Variants in ARHGAP31 observed in about 807,000 individuals in gnomAD.
ARHGAP31 encodes the protein rho GTPase-activating protein 31.
In ARHGAP31, 34 loss-of-function variants were observed where a neutral mutation model predicts 113.9. That is an observed-to-expected ratio of 0.30 (90% CI 0.23 to 0.40). The LOEUF is 0.40. ARHGAP31 is among the 10% of genes least tolerant of loss of function. The probability of loss-of-function intolerance (pLI) is 1.00; values close to 1 mark genes in which losing one functional copy is unlikely to be tolerated. For missense variants in ARHGAP31, 1,548 were observed against 1,767.1 expected (o/e 0.88, Z 2.22); for synonymous variants, 650 against 684.8 (o/e 0.95, Z 0.79).
intron 11 of ARHGAP31, among the ~76,000 whole-genome samples, chr3:119,412,900 C>CCCA (rs2080728514): frequency 6.6e-6 from 1 of 151,926 alleles, no homozygotes; most frequent in Non-Finnish European, 1.5e-5. Flanking sequence ...GGCCTGTAAT[C>CCCA]CCAGCTACTT....
chr3:119,303,107 A>G (rs891094449), intron 1 of ARHGAP31, among the ~76,000 whole-genome samples: 1 of 152,210 alleles, frequency 6.6e-6, no homozygotes, highest in African/African-American at 2.4e-5. Context: ...CACTTTATGT[A>G]TGCAAATCGA....
chr3:119,294,446 A>C lies in ARHGAP31; in HGVS notation c.-459A>C. 2.5e-6 allele frequency: 1 copy of C among 405,652 alleles called. No individual in the cohort carries two copies. Among genetic ancestry groups the C allele is most frequent in the Non-Finnish European group, 4.3e-6 (1 of 231,522 alleles). The allele number at this position is 405,652 out of a possible 1,614,324, so 25.1% of individuals were successfully genotyped here. A position where few individuals can be genotyped will look rare whatever the true frequency, so the allele number is the denominator to read the frequency against. On this transcript the variant is annotated 5_prime_UTR_variant, in exon 1 of 12. Coordinates refer to ENST00000264245, the MANE Select transcript of ARHGAP31 (RefSeq NM_020754.4). Reference sequence around the variant, plus strand: ...TTTTCGCTCTACCAAAGTCGTCTGAAGGCGAGACAGCGGGCCCAGGGCGCA... The same window carrying C: ...TTTTCGCTCTACCAAAGTCGTCTGACGGCGAGACAGCGGGCCCAGGGCGCA...
At chr3:119,388,231 T>TTA (rs10700143) in intron 6 of ARHGAP31, among the ~76,000 whole-genome samples, 8,124 of 151,048 alleles carry the variant, frequency 0.054, 693 homozygotes, top group African/African-American at 0.18. Context: ...GTAATTTCTA[T>TTA]TTTTTTTATA....
intron 1 of ARHGAP31, chr3:119,329,814 C>A (rs1044198836): frequency 1.0e-6 from 1 of 985,442 alleles, no homozygotes; most frequent in Non-Finnish European, 1.2e-6. Flanking sequence ...GAACCATGAG[C>A]GTATTGAGAG....
At chr3:119,331,916 G>C (rs1222694096) in intron 1 of ARHGAP31, among the ~76,000 whole-genome samples, 1 of 152,030 alleles carries the variant, frequency 6.6e-6, no homozygotes, top group Non-Finnish European at 1.5e-5. Context: ...TCACTACACG[G>C]CCCATTCCCT....
intron 1 of ARHGAP31, among the ~76,000 whole-genome samples, chr3:119,362,767 TAAAA>T (rs746820025): frequency 1.7e-5 from 2 of 119,354 alleles, no homozygotes; most frequent in African/African-American, 6.2e-5. Context: ...AAACTCTGTC[TAAAA>T]AAAAAAAAAA....
At chr3:119,296,561 A>G (rs2079535530) in intron 1 of ARHGAP31, among the ~76,000 whole-genome samples, 1 of 152,186 alleles carries the variant, frequency 6.6e-6, no homozygotes, top group Non-Finnish European at 1.5e-5. Flanking sequence ...TGCGGGTGTT[A>G]TTCTGGCCCC....
intron 1 of ARHGAP31, among the ~76,000 whole-genome samples, chr3:119,300,842 A>AAG (rs2079576591): frequency 7.2e-6 from 1 of 139,038 alleles, no homozygotes; most frequent in Non-Finnish European, 1.5e-5. Context: ...AAAAAAAAAA[A>AAG]AAAGAAAGAA....
chr3:119,385,902 G>A (rs1276018128), intron 6 of ARHGAP31, among the ~76,000 whole-genome samples: 1 of 152,180 alleles, frequency 6.6e-6, no homozygotes, highest in Non-Finnish European at 1.5e-5. Context: ...TAGGGTTTTT[G>A]GGAAATGTTC....
intron 11 of ARHGAP31, among the ~76,000 whole-genome samples, chr3:119,412,140 G>C (rs1331608751): frequency 2.6e-5 from 4 of 152,106 alleles, no homozygotes; most frequent in Non-Finnish European, 5.9e-5. Context: ...ACCTTTCTGA[G>C]CACTTTGGGA....
Position 119,365,433 on chromosome 3 carries a change from T to G in ARHGAP31, c.203+15T>G. On this transcript the variant is annotated intron_variant, in intron 2 of 11. Transcript: ENST00000264245. ...CAACGGCTAAGGTAAGCTAAAAGAA[T>G]AGCCCTAAAAGAATTCTCCCATGAT... 1 of 1,604,716 alleles carries G rather than the reference T, an allele frequency of 6.2e-7. No individual in the cohort carries two copies. Among genetic ancestry groups the G allele is most frequent in the Non-Finnish European group, 8.5e-7 (1 of 1,171,978 alleles).
intron 11 of ARHGAP31, among the ~76,000 whole-genome samples, chr3:119,411,621 G>C (rs956766196): frequency 6.6e-6 from 1 of 152,128 alleles, no homozygotes; most frequent in Non-Finnish European, 1.5e-5. Flanking sequence ...AGTTAATGTA[G>C]GTGCTGAGGA....
At chr3:119,307,042 A>AG (rs2079636862) in intron 1 of ARHGAP31, among the ~76,000 whole-genome samples, 5 of 118,110 alleles carry the variant, frequency 4.2e-5, no homozygotes, top group African/African-American at 7.2e-5. Context: ...TAAGTCTGTT[A>AG]GTTTTTTTTT....
intron 10 of ARHGAP31, among the ~76,000 whole-genome samples, chr3:119,408,710 TG>T (rs374838044): frequency 8.9e-4 from 136 of 152,340 alleles, no homozygotes; most frequent in African/African-American, 3.2e-3. Context: ...AGCACAGTCC[TG>T]GGTACTCACT....
rs759737166 is a variant in ARHGAP31, at chr3:119,415,932, C to A, written c.4003C>A (p.Pro1335Thr). 6.2e-6 allele frequency: 10 copies of A among 1,614,080 alleles called. No homozygotes were observed. The Admixed American group carries it at 1.3e-4, about 22-fold the overall frequency. ...AGAGCGACCATCTGGGGGTTCTAAG[C>A]CTTTCCACAGGTCAAGGCCAGGAAG... is the stretch of plus-strand genomic sequence containing the variant. ...KLERPSGGSK[P>T]FHRSRPGRPQ... Residue 1335 changes from proline to threonine, a missense_variant, in exon 12 of 12, where the codon CCT becomes ACT. Pro to Thr is a conservative substitution (Grantham distance 38, BLOSUM62 -1). Coordinates refer to ENST00000264245, the MANE Select transcript of ARHGAP31 (RefSeq NM_020754.4).
At chr3:119,323,155 C>A (rs1460927028) in intron 1 of ARHGAP31, among the ~76,000 whole-genome samples, 1 of 152,196 alleles carries the variant, frequency 6.6e-6, no homozygotes, top group African/African-American at 2.4e-5. Context: ...GCTGGGGACT[C>A]ACACGCTGCG....
chr3:119,327,257 C>T (rs1053583085), intron 1 of ARHGAP31, among the ~76,000 whole-genome samples: 12 of 152,110 alleles, frequency 7.9e-5, no homozygotes, highest in Admixed American at 5.2e-4. Context: ...TAAATTGCAA[C>T]GTCAGCCGGG....
rs1401036941 is a variant in ARHGAP31, at chr3:119,417,943, G to A, written c.*1679G>A. ...AGGCGTCACAACCAAGGCTGGTTCT[G>A]GGCTTAGTGGGGGCTGAGATGAAGT... On this transcript the variant is annotated 3_prime_UTR_variant, in exon 12 of 12. Transcript: ENST00000264245. 3 of 152,246 alleles carry A rather than the reference G, an allele frequency of 2.0e-5. No homozygotes were observed. In the South Asian group the frequency reaches 6.2e-4, roughly 32 times the overall value. 9.4% of individuals were successfully genotyped at this position (152,246 alleles called of 1,614,324 possible).
At chr3:119,387,730 G>A (rs1054400082) in intron 6 of ARHGAP31, among the ~76,000 whole-genome samples, 1 of 152,206 alleles carries the variant, frequency 6.6e-6, no homozygotes, top group African/African-American at 2.4e-5. Flanking sequence ...ACTAGGTGCT[G>A]TTCTAGACAC....
Sources: allele counts gnomAD v4.1 joint callset (sites outside exome capture counted in the v4.1 genomes callset), GRCh38; gene constraint gnomAD v4.1.1; transcripts MANE v1.5; gene names NCBI Gene and HGNC (gene_info 2026-07-23, HGNC 2026-07-21).